Variants in RNF145 observed in about 807,000 individuals in gnomAD.
RNF145 encodes ring finger protein 145.
A neutral mutation model predicts 57.3 loss-of-function variants in RNF145; 12 were observed. That is an observed-to-expected ratio of 0.21 (90% CI 0.13 to 0.34). RNF145 has a LOEUF of 0.34. RNF145 is among the 10% of genes least tolerant of loss of function. The pLI is 1.00. For synonymous variants in RNF145, 262 were observed against 288.3 expected (o/e 0.91, Z 0.92); for missense variants, 429 against 799.0 (o/e 0.54, Z 5.58).
Position 159,165,833 on chromosome 5 carries a change from AC to A in RNF145, c.1122-2755del, listed in dbSNP as rs1223947559. Among the ~76,000 whole-genome samples the A allele has an allele frequency of 1.5e-4, 23 of 152,208 alleles. No homozygotes were observed. In the East Asian group the frequency reaches 4.1e-3, roughly 27 times the overall value. On this transcript the variant is annotated intron_variant, in intron 8 of 10. Transcript: ENST00000424310. ...TGTGGGTCACTATTTTTAACATAGC[AC>A]TGTGACTATTACCACATTTTATCAT...
chr5:159,199,389 G>GAA lies in RNF145; in HGVS notation c.184+4043_184+4044dup, dbSNP rs66787021. On this transcript the variant is annotated intron_variant, in intron 2 of 10. Transcript: ENST00000424310. The stretch of plus-strand genomic sequence containing the variant: ...GTCAGGGAGTTAGGAGAAAAATCAG[G>GAA]AAAAAAAAAAAAAACACTTTCAAGA... 5.0e-5 allele frequency among the ~76,000 whole-genome samples: 7 copies of GAA among 140,880 alleles called. No homozygotes were observed. In the East Asian group the frequency reaches 6.3e-4, roughly 13 times the overall value. The allele number at this position is 140,880 out of a possible 152,430, so 92.4% of individuals were successfully genotyped here.
Position 159,174,072 on chromosome 5 carries a change from G to A in RNF145, c.708C>T (p.Leu236=), listed in dbSNP as rs767606581. 76 of 1,613,368 alleles carry A rather than the reference G, an allele frequency of 4.7e-5. No individual in the cohort carries two copies. Among genetic ancestry groups the A allele is most frequent in the Non-Finnish European group, 5.7e-5 (67 of 1,179,610 alleles). ...AGTAAATCTGAAGAGCAAATAAGAC[G>A]AGCCAGAAAACCATGAAAAGAACAG... ...VVPVLFMVFW[L]VLFALQIYSY... is the part of the protein sequence containing the mutation. The change falls in exon 6 of 11, where the codon CTC becomes CTT. Residue 236 remains leucine, a synonymous_variant. Transcript: ENST00000424310.
intron 4 of RNF145, among the ~76,000 whole-genome samples, chr5:159,180,422 C>T (rs902307304): frequency 1.3e-5 from 2 of 152,038 alleles, no homozygotes; most frequent in Non-Finnish European, 2.9e-5. Context: ...AAATCCTACA[C>T]AGACTTTCGG....
intron 2 of RNF145, among the ~76,000 whole-genome samples, chr5:159,196,451 C>T (rs186410049): frequency 4.7e-4 from 72 of 152,260 alleles, no homozygotes; most frequent in Admixed American, 5.2e-4. Context: ...CTTGGTCTTA[C>T]ACAATCTGGA....
At chr5:159,190,679 C>T (rs1397754720) in intron 3 of RNF145, among the ~76,000 whole-genome samples, 5 of 68,434 alleles carry the variant, frequency 7.3e-5, no homozygotes, top group African/African-American at 4.3e-4. Flanking sequence ...TGACAACCAT[C>T]TCAAAAAAAA....
intron 8 of RNF145, among the ~76,000 whole-genome samples, chr5:159,168,534 TTATGC>T (rs1329441673): frequency 2.0e-5 from 3 of 152,270 alleles, no homozygotes; most frequent in Middle Eastern, 3.4e-3. Context: ...GTTACATTTA[TTATGC>T]TAGACTAAAT....
At chr5:159,189,238 A>G (rs537155365) in intron 3 of RNF145, among the ~76,000 whole-genome samples, 4 of 152,218 alleles carry the variant, frequency 2.6e-5, no homozygotes, top group East Asian at 3.9e-4. Flanking sequence ...TAGAATATAT[A>G]AAGAACTCCT....
intron 4 of RNF145, among the ~76,000 whole-genome samples, chr5:159,177,752 T>G (rs972038706): frequency 2.0e-5 from 3 of 152,022 alleles, no homozygotes; most frequent in Non-Finnish European, 4.4e-5. Context: ...AATTTACCAG[T>G]GTATAATGTG....
intron 8 of RNF145, among the ~76,000 whole-genome samples, chr5:159,164,000 G>A (rs1229790564): frequency 6.6e-6 from 1 of 152,146 alleles, no homozygotes; most frequent in Non-Finnish European, 1.5e-5. Context: ...ATCAACATCT[G>A]TGATATGTTC....
Position 159,181,944 on chromosome 5 carries a change from C to T in RNF145, c.385+16G>A. 3 of 1,459,248 alleles carry T rather than the reference C, an allele frequency of 2.1e-6. No individual in the cohort carries two copies. The highest frequency in any genetic ancestry group is 2.9e-6 in the Non-Finnish European group (3 of 1,043,286). The allele number at this position is 1,459,248 out of a possible 1,614,324, so 90.4% of individuals were successfully genotyped here. A position where few individuals can be genotyped will look rare whatever the true frequency, so the allele number is the denominator to read the frequency against. On this transcript the variant is annotated intron_variant, in intron 4 of 10. Transcript: ENST00000424310. ...GTCGGTTCCTACCTACACTTTAATTCTTTTATAATACTTACCTATTAAGGC... is the reference window on the plus strand; with the variant it reads ...GTCGGTTCCTACCTACACTTTAATTTTTTTATAATACTTACCTATTAAGGC...
upstream of RNF145, chr5:159,209,783 C>A (rs1786049871): frequency 3.5e-6 from 5 of 1,422,218 alleles, no homozygotes; most frequent in African/African-American, 4.2e-5. Flanking sequence ...CTGTGACAGG[C>A]GCCATTCTGA....
intron 5 of RNF145, 41 bp from the exon 6 acceptor site, chr5:159,174,199 A>G: frequency 5.8e-6 from 8 of 1,388,622 alleles, no homozygotes; most frequent in Non-Finnish European, 7.9e-6. Flanking sequence ...TTGCATCACC[A>G]TCAATAAACA....
upstream of RNF145, chr5:159,209,891 T>C: frequency 1.3e-6 from 2 of 1,535,994 alleles, no homozygotes; most frequent in Admixed American, 2.0e-5. Context: ...GGGCTGATCC[T>C]GTCCCGGTGC....
At chr5:159,175,586 C>T (rs1309733734) in intron 5 of RNF145, among the ~76,000 whole-genome samples, 1 of 152,126 alleles carries the variant, frequency 6.6e-6, no homozygotes, top group Non-Finnish European at 1.5e-5. Context: ...ACCCTGAATA[C>T]AACTATAACC....
At chr5:159,168,652 C>A (rs1009007311) in intron 8 of RNF145, among the ~76,000 whole-genome samples, 3 of 152,066 alleles carry the variant, frequency 2.0e-5, no homozygotes, top group Non-Finnish European at 4.4e-5. Context: ...CCTTTGATGT[C>A]ATTTTTAACT....
intron 5 of RNF145, among the ~76,000 whole-genome samples, chr5:159,175,991 T>C (rs1182289570): frequency 6.6e-6 from 1 of 152,180 alleles, no homozygotes; most frequent in Non-Finnish European, 1.5e-5. Flanking sequence ...GGGAGTAATT[T>C]ATCTTAGAGC....
chr5:159,209,724 G>C (rs1584720728), upstream of RNF145: 9 of 1,101,342 alleles, frequency 8.2e-6, no homozygotes, highest in African/African-American at 3.1e-5. Context: ...CATACAGCCC[G>C]GCTCGGGTGG....
chr5:159,200,548 T>C (rs1462658500), intron 2 of RNF145, among the ~76,000 whole-genome samples: 1 of 152,122 alleles, frequency 6.6e-6, no homozygotes, highest in African/African-American at 2.4e-5. Context: ...AAGATTTAAA[T>C]GTAAAAATAA....
intron 5 of RNF145, among the ~76,000 whole-genome samples, chr5:159,174,543 T>C (rs1784654034): frequency 6.6e-6 from 1 of 151,966 alleles, no homozygotes; most frequent in Admixed American, 6.6e-5. Context: ...CTTGAGGCAC[T>C]AGGAAAAAAA....
Sources: allele counts gnomAD v4.1 joint callset (sites outside exome capture counted in the v4.1 genomes callset), GRCh38; gene constraint gnomAD v4.1.1; transcripts MANE v1.5; gene names NCBI Gene and HGNC (gene_info 2026-07-23, HGNC 2026-07-21).